The following CCDC178 variants were observed in gnomAD, a reference collection of about 807,000 sequenced individuals.
CCDC178 encodes coiled-coil domain containing 178.
Under a neutral mutation model 117.4 loss-of-function variants are expected in CCDC178, and 126 were observed. The ratio of observed to expected loss-of-function variants is 1.07; its 90% CI spans 0.93 to 1.24. CCDC178 has a LOEUF of 1.24. Ranked by LOEUF, CCDC178 falls within the 50% of genes most tolerant of loss-of-function variation. CCDC178 has a pLI of 0.00. For missense variants in CCDC178, 1,030 were observed against 986.9 expected (o/e 1.04, Z -0.59); for synonymous variants, 283 against 313.4 (o/e 0.90, Z 1.02).
At chr18:33,075,862 G>A (rs147471352) in intron 21 of CCDC178, among the ~76,000 whole-genome samples, 3 of 152,036 alleles carry the variant, frequency 2.0e-5, no homozygotes, top group African/African-American at 4.8e-5. Flanking sequence ...CCAGCTACTC[G>A]GGAGGCTGAG....
At chr18:33,171,909 T>TTTTTG (rs1414448478) in intron 20 of CCDC178, among the ~76,000 whole-genome samples, 1 of 152,158 alleles carries the variant, frequency 6.6e-6, no homozygotes, top group Non-Finnish European at 1.5e-5. Context: ...TGTTTTTTGT[T>TTTTTG]TTTTGTTTTG....
intron 12 of CCDC178, among the ~76,000 whole-genome samples, chr18:33,285,187 C>G (rs1362275134): frequency 6.6e-6 from 1 of 151,812 alleles, no homozygotes; most frequent in East Asian, 1.9e-4. Context: ...AAAATGGAAG[C>G]AAGCATTCCG....
chr18:32,992,572 A>T lies in CCDC178; in HGVS notation c.2389-17891T>A, dbSNP rs75552462. ...TAATGAGGAGACTTCTGAGGAATAA[A>T]GCAGAAATATTTACTATTGCACAGC... On this transcript the variant is annotated intron_variant, in intron 21 of 22. Coordinates refer to ENST00000383096, the MANE Select transcript of CCDC178 (RefSeq NM_001105528.4). Among the ~76,000 whole-genome samples, 1,411 of 152,322 alleles carry T rather than the reference A, an allele frequency of 9.3e-3. 22 individuals carry two copies. The highest frequency in any genetic ancestry group is 0.033 in the African/African-American group (1,355 of 41,566).
chr18:33,323,655 C>G (rs762737568), intron 10 of CCDC178, 22 bp from the exon 11 acceptor site: 58 of 1,402,516 alleles, frequency 4.1e-5, no homozygotes, highest in Non-Finnish European at 5.4e-5. Context: ...AATATTTTTG[C>G]TTATATTTGC....
chr18:32,952,942 T>C (rs1261452460), intron 22 of CCDC178, among the ~76,000 whole-genome samples: 2 of 151,868 alleles, frequency 1.3e-5, no homozygotes, highest in African/African-American at 2.4e-5. Flanking sequence ...CTGGCTAATT[T>C]TTTGTATTTT....
chr18:33,182,086 T>C (rs923837648), intron 20 of CCDC178, among the ~76,000 whole-genome samples: 9 of 151,846 alleles, frequency 5.9e-5, no homozygotes, highest in African/African-American at 2.2e-4. Flanking sequence ...AGCTGACACA[T>C]ATTGTTTGAG....
At chr18:33,205,765 G>T (rs1046150578) in intron 20 of CCDC178, among the ~76,000 whole-genome samples, 2 of 152,200 alleles carry the variant, frequency 1.3e-5, no homozygotes, top group African/African-American at 2.4e-5. Flanking sequence ...CACAATCACA[G>T]CTCACTGCAG....
At chr18:33,259,893 T>C (rs904887947) in intron 14 of CCDC178, among the ~76,000 whole-genome samples, 140 of 152,290 alleles carry the variant, frequency 9.2e-4, no homozygotes, top group African/African-American at 3.1e-3. Flanking sequence ...CACATTTTAG[T>C]TGGACTGAAT....
At chr18:32,993,538 C>G (rs1013763326) in intron 21 of CCDC178, among the ~76,000 whole-genome samples, 1 of 152,252 alleles carries the variant, frequency 6.6e-6, no homozygotes, top group Admixed American at 6.5e-5. Flanking sequence ...TCTAACACCA[C>G]TGGCTCACCA....
intron 20 of CCDC178, among the ~76,000 whole-genome samples, chr18:33,179,733 G>A (rs117587569): frequency 0.01 from 1,574 of 152,044 alleles, 11 homozygotes; most frequent in Middle Eastern, 0.02. Flanking sequence ...AAGTGCAGTG[G>A]AAACTATCAT....
At chr18:33,016,676 G>A (rs2055998917) in intron 21 of CCDC178, among the ~76,000 whole-genome samples, 1 of 151,960 alleles carries the variant, frequency 6.6e-6, no homozygotes, top group African/African-American at 2.4e-5. Flanking sequence ...TACTATTAAA[G>A]TTAGTATTAA....
At chr18:33,255,647 T>C (rs1281520239) in intron 14 of CCDC178, among the ~76,000 whole-genome samples, 1 of 151,934 alleles carries the variant, frequency 6.6e-6, no homozygotes, top group Non-Finnish European at 1.5e-5. Context: ...AGAGAGTAGA[T>C]ACTCCACATG....
chr18:33,335,949 G>A (rs910082483), intron 9 of CCDC178, among the ~76,000 whole-genome samples: 1 of 152,042 alleles, frequency 6.6e-6, no homozygotes, highest in Non-Finnish European at 1.5e-5. Flanking sequence ...TTTCGTGCCT[G>A]GGTTGAAATT....
In CCDC178 at chr18:33,223,134, T is replaced by C; in HGVS notation, c.1904A>G (p.Lys635Arg). ...VKKKLRKKGK[K>R]TLDALIETES... is the part of the protein sequence containing the mutation. ...AGTTTCTATTAATGCATCAAGGGTT[T>C]TCTTCCCCTTTTTTCGTAATTTTTT... Residue 635 changes from lysine (K) to arginine (R), a missense_variant, in exon 18 of 23, where the codon AAA becomes AGA. Coordinates refer to ENST00000383096, the MANE Select transcript of CCDC178 (RefSeq NM_001105528.4). 3.7e-6 allele frequency: 6 copies of C among 1,605,280 alleles called. No individual in the cohort carries two copies. Among genetic ancestry groups the C allele is most frequent in the Non-Finnish European group, 5.1e-6 (6 of 1,174,194 alleles).
intron 14 of CCDC178, among the ~76,000 whole-genome samples, chr18:33,253,337 C>T (rs1209803471): frequency 6.6e-6 from 1 of 151,736 alleles, no homozygotes; most frequent in Admixed American, 6.6e-5. Context: ...TTTATTTAAA[C>T]AGTGTAAAAG....
intron 21 of CCDC178, among the ~76,000 whole-genome samples, chr18:32,994,759 T>C (rs2055469454): frequency 6.6e-6 from 1 of 152,126 alleles, no homozygotes; most frequent in South Asian, 2.1e-4. Context: ...ATCTGGAGCA[T>C]TGTGTTTAGA....
rs548611285 is a variant in CCDC178 at position 32,981,895 on chromosome 18, A to C, written c.2389-7214T>G. Among the ~76,000 whole-genome samples the C allele has an allele frequency of 1.2e-3, 189 of 152,288 alleles. 3 individuals are homozygous for C. The South Asian group carries it at 0.038, about 31-fold the overall frequency. ...GACTTCATAACTTATTTCATATGAA[A>C]TTAAAGATTGCCATATGTAAAATAT... On this transcript the variant is annotated intron_variant, in intron 21 of 22. Transcript: ENST00000383096.
At chr18:33,160,224 T>C (rs1364187355) in intron 20 of CCDC178, among the ~76,000 whole-genome samples, 2 of 152,150 alleles carry the variant, frequency 1.3e-5, no homozygotes, top group East Asian at 3.8e-4. Context: ...TATATGAAAT[T>C]AAAATTTATT....
At chr18:33,197,173 G>A (rs2058940552) in intron 20 of CCDC178, among the ~76,000 whole-genome samples, 1 of 152,142 alleles carries the variant, frequency 6.6e-6, no homozygotes, top group Admixed American at 6.6e-5. Flanking sequence ...GATTACAGGT[G>A]TGTGCCACTA....
Sources: gnomAD v4.1 joint callset for allele counts (sites outside exome capture counted in the v4.1 genomes callset) on GRCh38, gnomAD v4.1.1 for gene constraint, MANE v1.5 for transcripts, NCBI Gene and HGNC (gene_info 2026-07-23, HGNC 2026-07-21) for gene names.